DHRS3: variants seen among roughly 807,000 people sequenced by gnomAD.
The protein encoded by DHRS3 is short-chain dehydrogenase/reductase 3.
Under a neutral mutation model 27.2 loss-of-function variants are expected in DHRS3, and 14 were observed. The observed-to-expected ratio is 0.52, with a 90% CI of 0.34 to 0.81. The LOEUF is 0.81. Ranked by LOEUF, DHRS3 falls within the 30% of genes least tolerant of loss-of-function variation. The pLI is 0.01. For missense variants in DHRS3, 322 were observed against 406.2 expected, an observed-to-expected ratio of 0.79 and a Z score of 1.78; for synonymous variants, 165 against 175.9, an observed-to-expected ratio of 0.94 and a Z score of 0.49.
intron 1 of DHRS3, among the ~76,000 whole-genome samples, chr1:12,603,359 C>G (rs985660605): frequency 1.3e-5 from 2 of 152,192 alleles, no homozygotes; most frequent in African/African-American, 4.8e-5. Flanking sequence ...CATTTTCAAG[C>G]CTTATTTTTT....
chr1:12,607,855 GTGTGTA>G (rs1213789417), intron 1 of DHRS3, among the ~76,000 whole-genome samples: 1 of 152,006 alleles, frequency 6.6e-6, no homozygotes, highest in Non-Finnish European at 1.5e-5. Context: ...ATATGTGTGT[GTGTGTA>G]TGTGTGTGTG....
At chr1:12,569,140 C>T (rs1646510693) in intron 5 of DHRS3, among the ~76,000 whole-genome samples, 1 of 151,920 alleles carries the variant, frequency 6.6e-6, no homozygotes, top group Non-Finnish European at 1.5e-5. Context: ...ATTGCTTGAC[C>T]TGGGAGGCGG....
At chr1:12,582,349 A>G (rs1331425164) in intron 1 of DHRS3, among the ~76,000 whole-genome samples, 1 of 152,176 alleles carries the variant, frequency 6.6e-6, no homozygotes, top group African/African-American at 2.4e-5. Context: ...AATATTTTAC[A>G]AAAAAATAAG....
At chr1:12,573,382 C>T (rs1055355019) in intron 4 of DHRS3, among the ~76,000 whole-genome samples, 1 of 152,240 alleles carries the variant, frequency 6.6e-6, no homozygotes, top group African/African-American at 2.4e-5. Flanking sequence ...ACCGCGTTCA[C>T]CCCACCTAGG....
rs575161689 is a variant in DHRS3 at position 12,593,716 on chromosome 1, C to T, written c.196-13050G>A. On this transcript the variant is annotated intron_variant, in intron 1 of 5. Coordinates refer to ENST00000616661, the MANE Select transcript of DHRS3 (RefSeq NM_004753.7). This position sits in a 1 kb window ranked among gnomAD's most constrained non-coding sequence, Gnocchi z 4.6. ...TTCAAATGCTAAAACCACGCCCTGC[C>T]AAGAGCCAGTACGTGACAACTGGGC... 7.2e-5 allele frequency among the ~76,000 whole-genome samples: 11 copies of T among 152,278 alleles called. No individual in the cohort carries two copies. Among genetic ancestry groups the T allele is most frequent in the African/African-American group, 2.6e-4 (11 of 41,550 alleles).
chr1:12,589,860 T>TTAC (rs1646730695), intron 1 of DHRS3, among the ~76,000 whole-genome samples: 1 of 151,754 alleles, frequency 6.6e-6, no homozygotes, highest in African/African-American at 2.4e-5. Flanking sequence ...ATTATTATTA[T>TTAC]TATTATTAGC....
chr1:12,611,958 T>TAAATAAATAAATAAATAAATAAAG, intron 1 of DHRS3, among the ~76,000 whole-genome samples: 1 of 151,748 alleles, frequency 6.6e-6, no homozygotes, highest in African/African-American at 2.4e-5. Flanking sequence ...AATAAATAAA[T>TAAATAAATAAATAAATAAATAAAG]AAAAGCTCAG....
rs75212848 is a variant in DHRS3, at chr1:12,599,895, G to A, written c.195+17259C>T. Reference sequence around the variant, plus strand: ...TATTTCCATCTTTAAACTGGGAACAGTGACTGTGTCATAGGGTTGCTCTGA... The same window carrying A: ...TATTTCCATCTTTAAACTGGGAACAATGACTGTGTCATAGGGTTGCTCTGA... On this transcript the variant is annotated intron_variant, in intron 1 of 5. Coordinates refer to ENST00000616661, the MANE Select transcript of DHRS3 (RefSeq NM_004753.7). 4.3e-3 allele frequency among the ~76,000 whole-genome samples: 658 copies of A among 152,346 alleles called. 7 individuals carry two copies. Among genetic ancestry groups the A allele is most frequent in the African/African-American group, 0.015 (636 of 41,584 alleles).
At position 12,586,149 on chromosome 1, in the gene DHRS3, TC is replaced by T. The variant is rs1310909820; in HGVS notation, c.196-5484del. On this transcript the variant is annotated intron_variant, in intron 1 of 5. Transcript: ENST00000616661. The surrounding 1 kb of genome is among the most constrained non-coding windows in gnomAD (Gnocchi z 5.0). ...CTGTCCTGCCCTTGCCCAGAGCTGC[TC>T]TCAAGGCGGCTATAGCCAGACAGAT... 1.3e-5 allele frequency among the ~76,000 whole-genome samples: 2 copies of T among 152,180 alleles called. No individual in the cohort carries two copies. The highest frequency in any genetic ancestry group is 4.8e-5 in the African/African-American group (2 of 41,438).
At position 12,574,382 on chromosome 1, in the gene DHRS3, G is replaced by A. The variant is rs1209156897; in HGVS notation, c.699-1529C>T. ...GATGGGGTTTTGCCATGTTGCCCAG[G>A]CTGGCAACTCCTGGGCTGAAGTGAT... On this transcript the variant is annotated intron_variant, in intron 4 of 5. Transcript: ENST00000616661. This position sits in a 1 kb window ranked among gnomAD's most constrained non-coding sequence, Gnocchi z 4.6. 6.6e-6 allele frequency among the ~76,000 whole-genome samples: 1 copy of A among 152,066 alleles called. No individual in the cohort carries two copies. The highest frequency in any genetic ancestry group is 2.4e-5 in the African/African-American group (1 of 41,408).
In DHRS3 at chr1:12,572,790, C is replaced by T. The variant is rs752189408; in HGVS notation, c.762G>A (p.Val254=). 35 of 1,611,874 alleles carry T rather than the reference C, an allele frequency of 2.2e-5. No individual in the cohort carries two copies. Among genetic ancestry groups the T allele is most frequent in the Admixed American group, 5.0e-5 (3 of 59,668 alleles). ...GGAGGAGGAGGGCCTGGTTGAGCTG[C>T]ACAGCTTCCACTGTCCTCCGGGCCA... The part of the protein sequence containing the change: ...ETVARRTVEA[V]QLNQALLLLP... The change falls in exon 5 of 6, where the codon GTG becomes GTA. Residue 254 remains valine (V), a synonymous_variant. Transcript: ENST00000616661.
intron 1 of DHRS3, among the ~76,000 whole-genome samples, chr1:12,582,348 C>CA (rs772511452): frequency 6.6e-6 from 1 of 151,948 alleles, no homozygotes; most frequent in African/African-American, 2.4e-5. Context: ...AAATATTTTA[C>CA]AAAAAAATAA....
chr1:12,573,295 C>T (rs763901272), intron 4 of DHRS3, among the ~76,000 whole-genome samples: 1 of 152,260 alleles, frequency 6.6e-6, no homozygotes, highest in Non-Finnish European at 1.5e-5. Flanking sequence ...TCTCTCCTCC[C>T]AGCTCCTCCT....
chr1:12,584,823 C>T (rs1436145131), intron 1 of DHRS3, among the ~76,000 whole-genome samples: 2 of 152,144 alleles, frequency 1.3e-5, no homozygotes, highest in African/African-American at 4.8e-5. Context: ...GCTGAGCATC[C>T]CTGTGCCAGG....
chr1:12,605,158 G>A (rs1646861904), intron 1 of DHRS3, among the ~76,000 whole-genome samples: 1 of 150,686 alleles, frequency 6.6e-6, no homozygotes, highest in Non-Finnish European at 1.5e-5. Context: ...ACCAAGTCAC[G>A]TGTGTTACCA....
chr1:12,613,964 A>C (rs1336118835), intron 1 of DHRS3, among the ~76,000 whole-genome samples: 3 of 151,728 alleles, frequency 2.0e-5, no homozygotes, highest in Non-Finnish European at 4.4e-5. Context: ...CGAGATGGGG[A>C]GTCACCATGT....
intron 1 of DHRS3, among the ~76,000 whole-genome samples, chr1:12,582,307 A>AT (rs1646651213): frequency 6.6e-6 from 1 of 152,230 alleles, no homozygotes; most frequent in Non-Finnish European, 1.5e-5. Context: ...AATGGAATCG[A>AT]TTTTTTAAAT....
At position 12,570,074 on chromosome 1, in the gene DHRS3, C is replaced by G. The variant is rs554436086; in HGVS notation, c.825-1650G>C. ...ACCTTCTCTCCCTTCATACAACACA[C>G]TTTCAAAACCAGGCTCTTAGCATCT... On this transcript the variant is annotated intron_variant, in intron 5 of 5. Transcript: ENST00000616661. 11 of 152,332 alleles carry G rather than the reference C, an allele frequency of 7.2e-5. No homozygotes were observed. In the East Asian group the frequency reaches 1.5e-3, roughly 21 times the overall value. 9.4% of individuals were successfully genotyped at this position (152,332 alleles called of 1,614,324 possible). A position where few individuals can be genotyped will look rare whatever the true frequency, so the allele number is the denominator to read the frequency against.
rs951481712 is a variant in DHRS3, at chr1:12,579,494, G to A, written c.340-82C>T. The A allele has an allele frequency of 1.4e-5, 22 of 1,544,422 alleles. No individual in the cohort carries two copies. The African/African-American group carries it at 2.4e-4, about 17-fold the overall frequency. On this transcript the variant is annotated intron_variant, in intron 2 of 5. Coordinates refer to ENST00000616661, the MANE Select transcript of DHRS3 (RefSeq NM_004753.7). The stretch of plus-strand genomic sequence containing the variant: ...ATATGTTTTTTGTTTGTTTGTTTTT[G>A]AGATGGAGTCTCACTCTGTTGTCCA...
Sources: gnomAD v4.1 joint callset for allele counts (sites outside exome capture counted in the v4.1 genomes callset) on GRCh38, gnomAD v4.1.1 for gene constraint, Gnocchi (gnomAD v3.1) non-coding constraint, MANE v1.5 for transcripts, NCBI Gene and HGNC (gene_info 2026-07-23, HGNC 2026-07-21) for gene names.